Variants in TECTA observed in about 807,000 individuals in gnomAD.
TECTA encodes the protein tectorin alpha.
TECTA carries 128 observed loss-of-function variants against 216.8 expected under a neutral mutation model. The observed-to-expected ratio is 0.59, with a 90% CI of 0.51 to 0.68. TECTA has a LOEUF of 0.68. Ranked by LOEUF, TECTA falls within the 30% of genes least tolerant of loss-of-function variation. TECTA has a pLI of 0.00. For missense variants in TECTA, 2,551 were observed against 2,786.2 expected (o/e 0.92, Z 1.90); for synonymous variants, 1,089 against 1,117.1 (o/e 0.97, Z 0.50).
chr11:121,187,925 G>C lies in TECTA; in HGVS notation c.6093G>C (p.Gly2031=). ...RFHVTVFKFI[G]DYDEVHLHCA... ...ACGTCACCGTCTTTAAATTCATAGG[G>C]GATTACGACGAAGTTCACCTTCACT... is the stretch of plus-strand genomic sequence containing the variant. The change falls in exon 21 of 24, where the codon GGG becomes GGC. Residue 2031 remains glycine, a synonymous_variant. Coordinates refer to ENST00000392793, the MANE Select transcript of TECTA (RefSeq NM_005422.4). 6.2e-7 allele frequency: 1 copy of C among 1,614,154 alleles called. No individual in the cohort carries two copies. Among genetic ancestry groups the C allele is most frequent in the Non-Finnish European group, 8.5e-7 (1 of 1,180,014 alleles).
At chr11:121,188,996 G>C (rs375271525) in intron 21 of TECTA, 84 bp from the exon 22 acceptor site, 1 of 1,413,074 alleles carries the variant, frequency 7.1e-7, no homozygotes, top group African/African-American at 1.4e-5. Flanking sequence ...CAGAGCCACT[G>C]CCTCTTTTAG....
At chr11:121,161,347 C>T (rs551558267) in intron 15 of TECTA, among the ~76,000 whole-genome samples, 1 of 152,062 alleles carries the variant, frequency 6.6e-6, no homozygotes, top group South Asian at 2.1e-4. Context: ...TTCTAGGATT[C>T]CTAATTTGGT....
chr11:121,181,045 G>C (rs1219732813), intron 20 of TECTA, among the ~76,000 whole-genome samples: 2 of 151,946 alleles, frequency 1.3e-5, no homozygotes, highest in East Asian at 3.9e-4. Flanking sequence ...CGTGTCTGTA[G>C]TCCTAGCTAC....
At chr11:121,132,683 A>G (rs1946686930) in intron 10 of TECTA, among the ~76,000 whole-genome samples, 1 of 152,164 alleles carries the variant, frequency 6.6e-6, no homozygotes, top group Non-Finnish European at 1.5e-5. Flanking sequence ...TACTGAACCT[A>G]CAGTTTCAGT....
At chr11:121,137,060 A>G (rs1451963280) in intron 10 of TECTA, among the ~76,000 whole-genome samples, 1 of 152,216 alleles carries the variant, frequency 6.6e-6, no homozygotes, top group Non-Finnish European at 1.5e-5. Flanking sequence ...ACTACAGCTC[A>G]CTGTACTGTG....
chr11:121,139,621 C>T (rs947499022), intron 11 of TECTA, among the ~76,000 whole-genome samples: 4 of 151,594 alleles, frequency 2.6e-5, no homozygotes, highest in Non-Finnish European at 4.4e-5. Context: ...ACCCAGGAGG[C>T]GGAGATTGCA....
intron 10 of TECTA, among the ~76,000 whole-genome samples, chr11:121,130,517 G>C (rs1258918262): frequency 1.3e-5 from 2 of 152,152 alleles, no homozygotes; most frequent in East Asian, 1.9e-4. Context: ...AGAAATCTTT[G>C]TGATGGCTCT....
Position 121,129,675 on chromosome 11 carries a change from C to T in TECTA, c.2405C>T (p.Pro802Leu), listed in dbSNP as rs1254904390. 6.2e-7 allele frequency: 1 copy of T among 1,614,142 alleles called. No homozygotes were observed. The highest frequency in any genetic ancestry group is 1.1e-5 in the South Asian group (1 of 91,084). ...GAAGTGGAATTGCCTTTTTTCCATCCTTCGGGGAAGCTGGAAATTTATCGA... is the reference window on the plus strand; with the variant it reads ...GAAGTGGAATTGCCTTTTTTCCATCTTTCGGGGAAGCTGGAAATTTATCGA... ...GQEVELPFFH[P>L]SGKLEIYRNK... Residue 802 changes from proline (P) to leucine (L), a missense_variant, in exon 10 of 24, where the codon CCT becomes CTT. This residue lies in a region of TECTA where 2,375 missense variants were observed against 2,563.9 expected (regional missense o/e 0.93). Coordinates refer to ENST00000392793, the MANE Select transcript of TECTA (RefSeq NM_005422.4).
chr11:121,131,302 AAATAATTTT>A (rs1946673000), intron 10 of TECTA, among the ~76,000 whole-genome samples: 2 of 151,824 alleles, frequency 1.3e-5, no homozygotes, highest in Admixed American at 1.3e-4. Flanking sequence ...TTTTAATTTG[AAATAATTTT>A]AGACTTACAG....
Position 121,145,652 on chromosome 11 carries a change from G to A in TECTA, c.3641G>A (p.Gly1214Asp), listed in dbSNP as rs1946827490. 1.2e-6 allele frequency: 2 copies of A among 1,614,196 alleles called. No homozygotes were observed. Among genetic ancestry groups the A allele is most frequent in the Non-Finnish European group, 1.7e-6 (2 of 1,180,028 alleles). The part of the protein sequence containing the change: ...GFHVVVETDF[G>D]LKVVYDWKTF... ...CACGTGGTGGTGGAAACTGATTTTG[G>A]CCTGAAGGTTGTATATGACTGGAAG... Residue 1214 changes from glycine (G) to aspartate (D), a missense_variant, in exon 12 of 24, where the codon GGC becomes GAC. By Grantham distance (94) the Gly-to-Asp change is moderately conservative. This residue lies in a region of TECTA where 2,375 missense variants were observed against 2,563.9 expected (regional missense o/e 0.93). Transcript: ENST00000392793.
At position 121,113,136 on chromosome 11, in the gene TECTA, A is replaced by G; in HGVS notation, c.551A>G (p.Tyr184Cys). The G allele has an allele frequency of 1.9e-6, 3 of 1,613,896 alleles. No homozygotes were observed. Among genetic ancestry groups the G allele is most frequent in the Non-Finnish European group, 2.5e-6 (3 of 1,179,994 alleles). ...TATACATTCACCCTCTTCAATTATT[A>G]CGAAATCAACTGGACCACGGGGACG... ...GSYTFTLFNY[Y>C]EINWTTGTAS... The change falls in exon 5 of 24, where the codon TAC becomes TGC. Residue 184 changes from tyrosine (Y) to cysteine (C), a missense_variant. By Grantham distance (194) the Tyr-to-Cys change is radical (BLOSUM62 -2). Coordinates refer to ENST00000392793, the MANE Select transcript of TECTA (RefSeq NM_005422.4). The surrounding 1 kb of genome is among the most constrained non-coding windows in gnomAD (Gnocchi z 4.2).
rs1270221190 is a variant in TECTA at position 121,173,400 on chromosome 11, C to G, written c.5999+4475C>G. Among the ~76,000 whole-genome samples the G allele has an allele frequency of 9.4e-3, 1,349 of 143,260 alleles. 19 individuals are homozygous for G. Among genetic ancestry groups the G allele is most frequent in the African/African-American group, 0.034 (1,285 of 37,738 alleles). 94.0% of individuals were successfully genotyped at this position (143,260 alleles called of 152,430 possible). A position where few individuals can be genotyped will look rare whatever the true frequency, so the allele number is the denominator to read the frequency against. On this transcript the variant is annotated intron_variant, in intron 20 of 23. Transcript: ENST00000392793. ...AAGGAAGGGATCCAGTTTCAGCTTT[C>G]TACATATGGCTAGCCAGTTTTCCCA... is the stretch of plus-strand genomic sequence containing the variant.
chr11:121,112,750 A>G (rs1318040661), intron 4 of TECTA, among the ~76,000 whole-genome samples: 2 of 152,138 alleles, frequency 1.3e-5, no homozygotes, highest in Non-Finnish European at 1.5e-5. Context: ...GCTGCCATCT[A>G]TAGGTGCTTT....
rs529993413 is a variant in TECTA at position 121,105,476 on chromosome 11, T to C, written c.65-355T>C. The stretch of plus-strand genomic sequence containing the variant: ...AACAGGAGCTTCAAAACTGTGGCCA[T>C]GCCAGACCTAGAGGCTGCCTCTCAG... On this transcript the variant is annotated intron_variant, in intron 2 of 23. Transcript: ENST00000392793. The surrounding 1 kb of genome is among the most constrained non-coding windows in gnomAD (Gnocchi z 5.3). Among the ~76,000 whole-genome samples the C allele has an allele frequency of 7.2e-5, 11 of 152,340 alleles. No individual in the cohort carries two copies. The East Asian group carries it at 1.9e-3, about 27-fold the overall frequency.
chr11:121,165,317 C>A lies in TECTA; in HGVS notation c.5317C>A (p.Arg1773=). 1 of 1,608,698 alleles carries A rather than the reference C, an allele frequency of 6.2e-7. No homozygotes were observed. Among genetic ancestry groups the A allele is most frequent in the Non-Finnish European group, 8.5e-7 (1 of 1,177,772 alleles). ...DPCVGADCPN[R]TCELGNGREL... ...CTGTGTGGGGGCGGACTGTCCCAAC[C>A]GAACTTGCGAGCTGGGCAATGGCAG... The change falls in exon 17 of 24, where the codon CGA becomes AGA. Residue 1773 remains arginine, a synonymous_variant. Coordinates refer to ENST00000392793, the MANE Select transcript of TECTA (RefSeq NM_005422.4).
chr11:121,141,268 A>C (rs887827477), intron 11 of TECTA, among the ~76,000 whole-genome samples: 1 of 152,252 alleles, frequency 6.6e-6, no homozygotes, highest in African/African-American at 2.4e-5. Context: ...AGCCTGAAGA[A>C]TAATGGCCAT....
rs1312695280 is a variant in TECTA at position 121,162,358 on chromosome 11, A to G, written c.5260A>G (p.Lys1754Glu). The stretch of plus-strand genomic sequence containing the variant: ...GATCCTTAGCACCGAGTGGATTGAG[A>G]AGGAGAATTGCTGTAAGAGAATTAT... ...FGILSTEWIE[K>E]ENCSGVVEDP... The change falls in exon 16 of 24, where the codon AAG (lysine) becomes GAG (glutamate). Residue 1754 changes from lysine to glutamate, a missense_variant. Transcript: ENST00000392793. 1.2e-6 allele frequency: 2 copies of G among 1,613,108 alleles called. No individual in the cohort carries two copies. The highest frequency in any genetic ancestry group is 1.3e-5 in the African/African-American group (1 of 74,942).
At chr11:121,140,348 C>T (rs1024836183) in intron 11 of TECTA, among the ~76,000 whole-genome samples, 1 of 152,194 alleles carries the variant, frequency 6.6e-6, no homozygotes, top group Non-Finnish European at 1.5e-5. Flanking sequence ...CCTTCCCTTT[C>T]CCTCTACTTT....
intron 13 of TECTA, among the ~76,000 whole-genome samples, chr11:121,153,561 G>A (rs549239279): frequency 3.5e-4 from 53 of 152,278 alleles, no homozygotes; most frequent in African/African-American, 1.2e-3. Context: ...TTGAGGCTCC[G>A]TGAGGGTAGC....
Sources: allele counts gnomAD v4.1 joint callset (sites outside exome capture counted in the v4.1 genomes callset), GRCh38; gene constraint gnomAD v4.1.1; regional missense constraint gnomAD v4.1.1; non-coding constraint Gnocchi (gnomAD v3.1); transcripts MANE v1.5; gene names NCBI Gene and HGNC (gene_info 2026-07-23, HGNC 2026-07-21).